The following ZNF343 variants were observed in gnomAD, a reference collection of about 807,000 sequenced individuals.
The protein encoded by ZNF343 is zinc finger protein 343.
Under a neutral mutation model 13.8 loss-of-function variants are expected in ZNF343, and 11 were observed. The ratio of observed to expected loss-of-function variants is 0.80; its 90% CI spans 0.50 to 1.32. ZNF343 has a LOEUF of 1.32. ZNF343 is among the 40% of genes most tolerant of loss of function. ZNF343 has a pLI of 0.00. For synonymous variants in ZNF343, 248 were observed against 260.0 expected (o/e 0.95, Z 0.44); for missense variants, 658 against 714.2 (o/e 0.92, Z 0.90).
chr20:2,512,025 ATAAC>A (rs2085741333), upstream of ZNF343, among the ~76,000 whole-genome samples: 2 of 152,234 alleles, frequency 1.3e-5, no homozygotes, highest in South Asian at 2.1e-4. Context: ...CTACATTTCT[ATAAC>A]TAACAAACGA....
chr20:2,482,844 G>A lies in ZNF343; in HGVS notation c.*317C>T, dbSNP rs1350831171. ...GACAAGGGTGCTTTCCCCTGAGGCT[G>A]TCATTGGATGTCTGGTAAATGTTGA... On this transcript the variant is annotated 3_prime_UTR_variant, in exon 6 of 6. Transcript: ENST00000278772. The A allele has an allele frequency of 6.4e-6, 2 of 313,830 alleles. No individual in the cohort carries two copies. The highest frequency in any genetic ancestry group is 6.5e-5 in the South Asian group (1 of 15,380). 19.4% of individuals were successfully genotyped at this position (313,830 alleles called of 1,614,324 possible).
intron 1 of ZNF343, among the ~76,000 whole-genome samples, chr20:2,515,560 TA>T (rs1353063345): frequency 2.0e-5 from 3 of 152,234 alleles, no homozygotes; most frequent in African/African-American, 7.2e-5. Flanking sequence ...AATAGATAAC[TA>T]GTGATAACTT....
Position 2,484,111 on chromosome 20 carries a change from G to T in ZNF343, c.850C>A (p.Leu284Ile). 1 of 1,614,196 alleles carries T rather than the reference G, an allele frequency of 6.2e-7. No homozygotes were observed. ...GAGTGTATACGATGGTGTCTGATGA[G>T]GGTTGATCTATCTTTAAAGCTTCGC... The part of the protein sequence containing the change: ...CGRSFKDRST[L>I]IRHHRIHSME... The change falls in exon 6 of 6, where the codon CTC becomes ATC. Residue 284 changes from leucine (L) to isoleucine (I), a missense_variant. Physicochemically the swap from Leu to Ile is conservative, Grantham distance 5. Transcript: ENST00000278772.
chr20:2,499,115 G>C (rs187334756), intron 2 of ZNF343, among the ~76,000 whole-genome samples: 6 of 150,802 alleles, frequency 4.0e-5, no homozygotes, highest in Admixed American at 2.6e-4. Context: ...GTGAGCCACC[G>C]CATGTGGCCT....
chr20:2,493,669 G>C, intron 3 of ZNF343, 92 bp from the exon 4 acceptor site: 1 of 1,329,478 alleles, frequency 7.5e-7, no homozygotes, highest in Non-Finnish European at 1.1e-6. Context: ...CTGAGCCTTA[G>C]GATGAAGGAA....
At chr20:2,516,343 T>G (rs1249718377) in intron 1 of ZNF343, among the ~76,000 whole-genome samples, 1 of 151,722 alleles carries the variant, frequency 6.6e-6, no homozygotes, top group East Asian at 1.9e-4. Flanking sequence ...GAGGGGATTG[T>G]GATTTAGGGT....
chr20:2,520,752 G>A (rs965994870), intron 1 of ZNF343, among the ~76,000 whole-genome samples: 4 of 152,212 alleles, frequency 2.6e-5, no homozygotes, highest in Non-Finnish European at 5.9e-5. Context: ...ATGGGGACTC[G>A]TCTTCTACGC....
At chr20:2,503,160 A>T (rs1042893118) in intron 1 of ZNF343, among the ~76,000 whole-genome samples, 7 of 152,242 alleles carry the variant, frequency 4.6e-5, no homozygotes, top group Non-Finnish European at 1.0e-4. Context: ...AGGTGTTGCA[A>T]TCCTAGTCTC....
chr20:2,489,971 G>A (rs2085340817), intron 5 of ZNF343, among the ~76,000 whole-genome samples: 2 of 148,662 alleles, frequency 1.3e-5, no homozygotes, highest in African/African-American at 5.0e-5. Flanking sequence ...GGACAACATG[G>A]CAAAACCCTG....
intron 5 of ZNF343, chr20:2,486,877 T>C (rs1010864765): frequency 2.6e-5 from 4 of 152,148 alleles, no homozygotes; most frequent in South Asian, 4.1e-4. Flanking sequence ...TCTTTGTCAA[T>C]AGAGAAGGAG....
Position 2,483,925 on chromosome 20 carries a change from T to C in ZNF343, c.1036A>G (p.Thr346Ala). The C allele has an allele frequency of 6.2e-7, 1 of 1,614,184 alleles. No individual in the cohort carries two copies. Among genetic ancestry groups the C allele is most frequent in the Non-Finnish European group, 8.5e-7 (1 of 1,180,034 alleles). The stretch of plus-strand genomic sequence containing the variant: ...ACATAGGGCTTCTCCTCTGAGTGAG[T>C]CCACTGATGTCTATTGAGGATGGAC... ...SKSILNRHQWTHSEEKPYVCS... is the reference protein window; with the variant it reads ...SKSILNRHQWAHSEEKPYVCS... The change falls in exon 6 of 6, where the codon ACT becomes GCT. Residue 346 changes from threonine (T) to alanine (A), a missense_variant. Thr to Ala is a moderately conservative substitution (Grantham distance 58). Transcript: ENST00000278772.
At chr20:2,498,228 T>C (rs139708538) in intron 2 of ZNF343, among the ~76,000 whole-genome samples, 2,369 of 152,234 alleles carry the variant, frequency 0.016, 28 homozygotes, top group Non-Finnish European at 0.025. Context: ...TGGTGGCGCA[T>C]GCCTATAATC....
At chr20:2,494,639 T>A (rs2085427515) in intron 2 of ZNF343, among the ~76,000 whole-genome samples, 1 of 151,954 alleles carries the variant, frequency 6.6e-6, no homozygotes, top group African/African-American at 2.4e-5. Context: ...CATGGTGGTG[T>A]GCGCCTGTAG....
chr20:2,488,843 G>A (rs1301372977), intron 5 of ZNF343, among the ~76,000 whole-genome samples: 2 of 152,078 alleles, frequency 1.3e-5, no homozygotes, highest in Non-Finnish European at 2.9e-5. Context: ...CCAGAAGCTT[G>A]AGACCAGCCT....
At chr20:2,517,440 C>T (rs985778604) in intron 1 of ZNF343, among the ~76,000 whole-genome samples, 3 of 151,062 alleles carry the variant, frequency 2.0e-5, no homozygotes, top group Non-Finnish European at 2.9e-5. Flanking sequence ...CCAGGAGAGC[C>T]GATGGTGCAG....
intron 1 of ZNF343, among the ~76,000 whole-genome samples, chr20:2,521,589 C>T (rs574535033): frequency 1.3e-5 from 2 of 152,154 alleles, no homozygotes; most frequent in African/African-American, 4.8e-5. Context: ...GGGATGTAGT[C>T]TCTGAGGCAA....
chr20:2,516,679 G>A (rs1053017637), intron 1 of ZNF343, among the ~76,000 whole-genome samples: 1 of 151,994 alleles, frequency 6.6e-6, no homozygotes, highest in Admixed American at 6.6e-5. Flanking sequence ...TGAGAGTGAG[G>A]GAGAGTGAGG....
At chr20:2,497,743 A>C (rs1039772013) in intron 2 of ZNF343, among the ~76,000 whole-genome samples, 13 of 152,228 alleles carry the variant, frequency 8.5e-5, no homozygotes, top group African/African-American at 2.9e-4. Flanking sequence ...GATCACACTC[A>C]AAAGTAGCTC....
At chr20:2,494,854 C>T (rs186422582) in intron 2 of ZNF343, among the ~76,000 whole-genome samples, 31 of 152,214 alleles carry the variant, frequency 2.0e-4, no homozygotes, top group Admixed American at 2.0e-3. Context: ...TAAGGGAGAG[C>T]TCCAGTTCTC....
Sources: gnomAD v4.1 joint callset for allele counts (sites outside exome capture counted in the v4.1 genomes callset) on GRCh38, gnomAD v4.1.1 for gene constraint, MANE v1.5 for transcripts, NCBI Gene and HGNC (gene_info 2026-07-23, HGNC 2026-07-21) for gene names.